The following UMAD1 variants were observed in gnomAD, a reference collection of about 807,000 sequenced individuals.
UMAD1 encodes the protein UBAP1-MVB12-associated (UMA) domain containing 1.
A neutral mutation model predicts 6.1 loss-of-function variants in UMAD1; 8 were observed. That is an observed-to-expected ratio of 1.30 (90% CI 0.76 to 2.35). The LOEUF is 2.35. UMAD1 is among the 30% of genes most tolerant of loss of function. UMAD1 has a pLI of 0.00. For synonymous variants in UMAD1, 56 were observed against 31.4 expected (o/e 1.78, Z -2.61); for missense variants, 130 against 78.4 (o/e 1.66, Z -2.49).
chr7:7,738,347 C>CA (rs1781401384), intron 2 of UMAD1, among the ~76,000 whole-genome samples: 1 of 152,180 alleles, frequency 6.6e-6, no homozygotes, highest in African/African-American at 2.4e-5. Flanking sequence ...TTCATCAAGT[C>CA]ATAAAATTTA....
intron 2 of UMAD1, among the ~76,000 whole-genome samples, chr7:7,682,659 A>C (rs1405339341): frequency 6.6e-6 from 1 of 152,212 alleles, no homozygotes; most frequent in Non-Finnish European, 1.5e-5. Flanking sequence ...TCTTACAAAA[A>C]ATGTATACCA....
At position 7,813,411 on chromosome 7, in the gene UMAD1, G is replaced by A. The variant is rs576526136; in HGVS notation, c.156+11668G>A. On this transcript the variant is annotated intron_variant, in intron 3 of 3. Transcript: ENST00000682710. ...AGTAGAGACAGGGTTTCACCGTATCGGCCAGGCTGGTCTCGAACTCCTGAC... is the reference window on the plus strand; with the variant it reads ...AGTAGAGACAGGGTTTCACCGTATCAGCCAGGCTGGTCTCGAACTCCTGAC... Among the ~76,000 whole-genome samples the A allele has an allele frequency of 2.6e-4, 39 of 152,130 alleles. No homozygotes were observed. In the South Asian group the frequency reaches 3.1e-3, roughly 12 times the overall value.
intron 2 of UMAD1, among the ~76,000 whole-genome samples, chr7:7,677,664 G>GTTTTTTTTTT (rs141602455): frequency 1.8e-5 from 2 of 113,502 alleles, no homozygotes; most frequent in Admixed American, 9.9e-5. Context: ...CTGTTTTTTT[G>GTTTTTTTTTT]TTTTTTTTTT....
chr7:7,839,598 C>G (rs905739507), intron 3 of UMAD1, among the ~76,000 whole-genome samples: 11 of 151,996 alleles, frequency 7.2e-5, no homozygotes, highest in African/African-American at 2.7e-4. Context: ...ATAGGACTTA[C>G]AATAGCATGT....
At chr7:7,668,386 C>T (rs1779524229) in intron 1 of UMAD1, among the ~76,000 whole-genome samples, 3 of 152,074 alleles carry the variant, frequency 2.0e-5, no homozygotes, top group Admixed American at 2.0e-4. Context: ...GAGTACAGTA[C>T]TATAAGGTTT....
intron 2 of UMAD1, among the ~76,000 whole-genome samples, chr7:7,691,586 G>A (rs1046459730): frequency 2.0e-5 from 3 of 152,130 alleles, no homozygotes; most frequent in African/African-American, 4.8e-5. Flanking sequence ...CTCATCTTAC[G>A]CATTTCAGAT....
intron 3 of UMAD1, among the ~76,000 whole-genome samples, chr7:7,804,954 C>T (rs987251603): frequency 6.6e-6 from 1 of 151,752 alleles, no homozygotes; most frequent in Non-Finnish European, 1.5e-5. Flanking sequence ...GCACTCCAGC[C>T]TGGGCGACAG....
chr7:7,710,812 G>A (rs770750896), intron 2 of UMAD1, among the ~76,000 whole-genome samples: 7 of 152,126 alleles, frequency 4.6e-5, no homozygotes, highest in African/African-American at 7.2e-5. Flanking sequence ...CAGGTGAATG[G>A]TTAAATCTAT....
At chr7:7,851,815 C>G (rs7779614) in intron 3 of UMAD1, among the ~76,000 whole-genome samples, 2 of 151,942 alleles carry the variant, frequency 1.3e-5, no homozygotes, top group Non-Finnish European at 2.9e-5. Context: ...TAAATATTTC[C>G]TCTCATTCTG....
At chr7:7,855,021 G>A (rs939900716) in intron 3 of UMAD1, among the ~76,000 whole-genome samples, 2 of 152,230 alleles carry the variant, frequency 1.3e-5, no homozygotes, top group Non-Finnish European at 2.9e-5. Flanking sequence ...AAAATACTCT[G>A]CTTTGACTCC....
chr7:7,720,291 C>T (rs938338327), intron 2 of UMAD1, among the ~76,000 whole-genome samples: 3 of 152,124 alleles, frequency 2.0e-5, no homozygotes, highest in African/African-American at 7.2e-5. Flanking sequence ...ATGTAAAAAC[C>T]CTAGGCTGGT....
At chr7:7,798,788 G>T (rs1209267249) in intron 2 of UMAD1, among the ~76,000 whole-genome samples, 2 of 152,220 alleles carry the variant, frequency 1.3e-5, no homozygotes, top group African/African-American at 4.8e-5. Context: ...TGCTTTCTAT[G>T]TGGGAGACCT....
intron 2 of UMAD1, among the ~76,000 whole-genome samples, chr7:7,780,044 A>G (rs569016673): frequency 6.6e-6 from 1 of 152,292 alleles, no homozygotes; most frequent in South Asian, 2.1e-4. Flanking sequence ...GAGTTTGCTT[A>G]TTTGTTTATA....
rs115614754 is a variant in UMAD1, at chr7:7,702,434, G to A, written c.82+28981G>A. Among the ~76,000 whole-genome samples, 810 of 152,086 alleles carry A rather than the reference G, an allele frequency of 5.3e-3. 5 individuals are homozygous for A. The highest frequency in any genetic ancestry group is 0.019 in the African/African-American group (782 of 41,500). On this transcript the variant is annotated intron_variant, in intron 2 of 3. Coordinates refer to ENST00000682710, the MANE Select transcript of UMAD1 (RefSeq NM_001302348.2). ...TGAAGGAGTCTATGGACTATAATAC[G>A]AAAATTCTGGTTGGGGAGGCAGGAA...
At chr7:7,702,955 T>C in intron 2 of UMAD1, among the ~76,000 whole-genome samples, 1 of 152,234 alleles carries the variant, frequency 6.6e-6, no homozygotes, top group East Asian at 1.9e-4. Context: ...CATTCTCCAG[T>C]CCTGTTGTCG....
intron 3 of UMAD1, among the ~76,000 whole-genome samples, chr7:7,813,937 T>C (rs59397448): frequency 0.21 from 31,227 of 152,086 alleles, 3,210 homozygotes; most frequent in Admixed American, 0.25. Flanking sequence ...CATTAGATAG[T>C]TTCCCATGTG....
chr7:7,676,864 T>C (rs1183360636), intron 2 of UMAD1, among the ~76,000 whole-genome samples: 1 of 152,104 alleles, frequency 6.6e-6, no homozygotes, highest in Non-Finnish European at 1.5e-5. Context: ...TAATTGTCTT[T>C]AAAGTTATAG....
intron 2 of UMAD1, among the ~76,000 whole-genome samples, chr7:7,771,870 T>A (rs895259368): frequency 1.3e-5 from 2 of 152,154 alleles, no homozygotes; most frequent in African/African-American, 4.8e-5. Flanking sequence ...AACTTCTATT[T>A]ATAAGCAATT....
chr7:7,804,709 C>T (rs10216321), intron 3 of UMAD1, among the ~76,000 whole-genome samples: 32,261 of 151,806 alleles, frequency 0.21, 3,583 homozygotes, highest in African/African-American at 0.27. Context: ...AGGCCGGGTG[C>T]GGTGGCTCAC....
Sources: gnomAD v4.1 joint callset for allele counts (sites outside exome capture counted in the v4.1 genomes callset) on GRCh38, gnomAD v4.1.1 for gene constraint, MANE v1.5 for transcripts, NCBI Gene and HGNC (gene_info 2026-07-23, HGNC 2026-07-21) for gene names.